The following RBMS3 variants were observed in gnomAD, a reference collection of about 807,000 sequenced individuals.
The protein encoded by RBMS3 is RNA binding motif single stranded interacting protein 3.
A neutral mutation model predicts 66.8 loss-of-function variants in RBMS3; 27 were observed. The observed-to-expected ratio is 0.40, with a 90% CI of 0.30 to 0.56. The LOEUF is 0.56. Among genes scored for constraint, RBMS3 ranks in the 20% least tolerant of loss-of-function variants. The probability of loss-of-function intolerance (pLI) is 0.40; values close to 1 mark genes in which losing one functional copy is unlikely to be tolerated. For missense variants in RBMS3, 513 were observed against 549.5 expected, an observed-to-expected ratio of 0.93 and a Z score of 0.66; for synonymous variants, 188 against 183.0, an observed-to-expected ratio of 1.03 and a Z score of -0.22.
intron 3 of RBMS3, among the ~76,000 whole-genome samples, chr3:29,537,926 A>G (rs1331848822): frequency 1.3e-5 from 2 of 152,066 alleles, no homozygotes; most frequent in South Asian, 2.1e-4. Context: ...ATGAACTACT[A>G]ATACAATATA....
At chr3:29,464,792 T>A (rs192488187) in intron 2 of RBMS3, among the ~76,000 whole-genome samples, 72 of 152,290 alleles carry the variant, frequency 4.7e-4, no homozygotes, top group Non-Finnish European at 8.7e-4. Context: ...ACCCCCACCT[T>A]ATTCCTAGCT....
At chr3:29,314,436 T>A (rs73054433) in intron 1 of RBMS3, among the ~76,000 whole-genome samples, 17,739 of 151,702 alleles carry the variant, frequency 0.12, 1,174 homozygotes, top group African/African-American at 0.19. Flanking sequence ...TAAAGGTCAC[T>A]GCTGGAAGGC....
At chr3:29,834,588 C>T (rs1236941232) in intron 6 of RBMS3, among the ~76,000 whole-genome samples, 1 of 151,770 alleles carries the variant, frequency 6.6e-6, no homozygotes, top group Non-Finnish European at 1.5e-5. Context: ...AAAGGATGTA[C>T]TATGTAAGCC....
intron 4 of RBMS3, among the ~76,000 whole-genome samples, chr3:29,710,176 T>C (rs1295197333): frequency 6.6e-6 from 1 of 152,238 alleles, no homozygotes; most frequent in Non-Finnish European, 1.5e-5. Context: ...ATTGGAAGTT[T>C]TTTTGATTTG....
At chr3:29,797,745 T>C (rs2057248403) in intron 6 of RBMS3, 1 of 152,194 alleles carries the variant, frequency 6.6e-6, no homozygotes, top group African/African-American at 2.4e-5. Flanking sequence ...ATAGGGATGG[T>C]ATTAGGTGTG....
chr3:29,454,410 G>T (rs2042115152), intron 2 of RBMS3, among the ~76,000 whole-genome samples: 1 of 152,090 alleles, frequency 6.6e-6, no homozygotes, highest in African/African-American at 2.4e-5. Context: ...TTGATTCCTG[G>T]GTAATTCTCA....
chr3:29,777,951 T>C (rs775712731), intron 6 of RBMS3, among the ~76,000 whole-genome samples: 7 of 151,920 alleles, frequency 4.6e-5, no homozygotes, highest in Non-Finnish European at 8.8e-5. Context: ...CATTAACCTT[T>C]ACATTGATTT....
chr3:29,817,324 G>C (rs542886239), intron 6 of RBMS3, among the ~76,000 whole-genome samples: 130 of 151,418 alleles, frequency 8.6e-4, no homozygotes, highest in African/African-American at 3.0e-3. Flanking sequence ...CTGTCTCAGT[G>C]TCCCGAGTAA....
chr3:29,895,914 A>T (rs951209797), intron 8 of RBMS3, among the ~76,000 whole-genome samples: 4 of 151,290 alleles, frequency 2.6e-5, no homozygotes, highest in African/African-American at 4.8e-5. Flanking sequence ...AAAAAAAAAA[A>T]CAACTTTGTA....
At chr3:29,678,459 G>A (rs1018654813) in intron 4 of RBMS3, among the ~76,000 whole-genome samples, 3 of 152,066 alleles carry the variant, frequency 2.0e-5, no homozygotes, top group East Asian at 3.9e-4. Context: ...CATTACTTGT[G>A]ATACAATGGA....
chr3:29,340,259 T>C (rs1192464797), intron 1 of RBMS3, among the ~76,000 whole-genome samples: 1 of 152,152 alleles, frequency 6.6e-6, no homozygotes. Flanking sequence ...AGAATTAAAC[T>C]AAGAATGGTG....
chr3:29,888,340 T>C (rs2059921701), intron 8 of RBMS3, among the ~76,000 whole-genome samples: 1 of 151,710 alleles, frequency 6.6e-6, no homozygotes, highest in Admixed American at 6.6e-5. Context: ...ATATCTCTAA[T>C]ATCATGTAAT....
At chr3:29,766,237 C>T (rs1416415097) in intron 6 of RBMS3, 1 of 151,898 alleles carries the variant, frequency 6.6e-6, no homozygotes, top group Non-Finnish European at 1.5e-5. Flanking sequence ...TTGACAATGA[C>T]AATTATTCTT....
chr3:29,399,462 T>C (rs958528894), intron 1 of RBMS3, among the ~76,000 whole-genome samples: 13 of 145,886 alleles, frequency 8.9e-5, no homozygotes, highest in Non-Finnish European at 2.0e-4. Context: ...AATTGAGGTT[T>C]ATTTGCCTTT....
At chr3:29,842,016 A>C (rs1303005413) in intron 6 of RBMS3, among the ~76,000 whole-genome samples, 1 of 152,052 alleles carries the variant, frequency 6.6e-6, no homozygotes, top group Non-Finnish European at 1.5e-5. Flanking sequence ...CAAAAAATGA[A>C]GATCTCCACA....
intron 8 of RBMS3, among the ~76,000 whole-genome samples, chr3:29,885,606 A>T (rs905423593): frequency 2.0e-5 from 3 of 151,932 alleles, no homozygotes; most frequent in Non-Finnish European, 4.4e-5. Context: ...AATACATGTG[A>T]TTACAATTAT....
At chr3:29,288,330 G>A (rs1482097334) in intron 1 of RBMS3, among the ~76,000 whole-genome samples, 1 of 152,002 alleles carries the variant, frequency 6.6e-6, no homozygotes, top group East Asian at 1.9e-4. Context: ...GCTCTCTGGT[G>A]ATTTGAAAAA....
At chr3:29,658,245 T>C (rs1276297089) in intron 4 of RBMS3, among the ~76,000 whole-genome samples, 3 of 152,196 alleles carry the variant, frequency 2.0e-5, no homozygotes, top group Admixed American at 6.5e-5. Flanking sequence ...AGGTTAGTTG[T>C]GGTAATCACA....
At chr3:29,589,766 A>G (rs998630826) in intron 4 of RBMS3, among the ~76,000 whole-genome samples, 3 of 152,076 alleles carry the variant, frequency 2.0e-5, no homozygotes, top group African/African-American at 7.2e-5. Context: ...TTAAGTATCT[A>G]CTGAATCACC....
Sources: gnomAD v4.1 joint callset for allele counts (sites outside exome capture counted in the v4.1 genomes callset) on GRCh38, gnomAD v4.1.1 for gene constraint, MANE v1.5 for transcripts, NCBI Gene and HGNC (gene_info 2026-07-23, HGNC 2026-07-21) for gene names.